The following CPED1 variants were observed in gnomAD, a reference collection of about 807,000 sequenced individuals.
CPED1 encodes the protein cadherin-like and PC-esterase domain-containing protein 1.
CPED1 carries 114 observed loss-of-function variants against 128.2 expected under a neutral mutation model. The observed-to-expected ratio is 0.89, with a 90% confidence interval of 0.76 to 1.04. The LOEUF is 1.04. Among genes scored for constraint, CPED1 ranks in the 50% least tolerant of loss-of-function variants. The pLI, the probability that CPED1 is intolerant of heterozygous loss-of-function variation, is 0.00. For missense variants in CPED1, 1,211 were observed against 1,207.1 expected (o/e 1.00, Z -0.05); for synonymous variants, 462 against 426.7 (o/e 1.08, Z -1.02).
intron 7 of CPED1, among the ~76,000 whole-genome samples, chr7:121,105,027 C>G (rs894989742): frequency 6.6e-6 from 1 of 151,960 alleles, no homozygotes; most frequent in Admixed American, 6.6e-5. Context: ...TTTGTAAGTT[C>G]TAAATCACCA....
chr7:121,233,368 A>G (rs553267950), intron 16 of CPED1, among the ~76,000 whole-genome samples: 2 of 152,026 alleles, frequency 1.3e-5, no homozygotes, highest in Non-Finnish European at 2.9e-5. Flanking sequence ...CTGTGGCTCC[A>G]AGAGATGACA....
At chr7:121,034,452 TG>T (rs1457938511) in intron 3 of CPED1, among the ~76,000 whole-genome samples, 1 of 152,028 alleles carries the variant, frequency 6.6e-6, no homozygotes, top group African/African-American at 2.4e-5. Flanking sequence ...CTCACCATGT[TG>T]GCCAGGCTGT....
chr7:121,284,962 T>G (rs1158652165), intron 22 of CPED1, among the ~76,000 whole-genome samples: 2 of 152,206 alleles, frequency 1.3e-5, no homozygotes, highest in Non-Finnish European at 2.9e-5. Context: ...ACCCCACATT[T>G]CCCTTCTGCA....
At chr7:121,199,691 A>G (rs1320839216) in intron 16 of CPED1, among the ~76,000 whole-genome samples, 1 of 140,330 alleles carries the variant, frequency 7.1e-6, no homozygotes, top group Non-Finnish European at 1.5e-5. Flanking sequence ...AAAAAAAAAA[A>G]AAAAAAAAAG....
In CPED1 at chr7:121,044,120, A is replaced by G. The variant is rs186730115; in HGVS notation, c.434-2767A>G. 2.6e-3 allele frequency among the ~76,000 whole-genome samples: 392 copies of G among 152,284 alleles called. 4 individuals are homozygous for G. Among genetic ancestry groups the G allele is most frequent in the Admixed American group, 3.9e-3 (59 of 15,284 alleles). On this transcript the variant is annotated intron_variant, in intron 3 of 22. Coordinates refer to ENST00000310396, the MANE Select transcript of CPED1 (RefSeq NM_024913.5). ...ATCTCTGCCCAGTTTCTACATTTCA[A>G]TGTGGCTTTAGGGTTTCTTTAACTA...
chr7:121,226,739 A>G lies in CPED1; in HGVS notation c.2056-9975A>G, dbSNP rs142335919. 5.3e-3 allele frequency among the ~76,000 whole-genome samples: 802 copies of G among 152,224 alleles called. 6 individuals carry two copies. Among genetic ancestry groups the G allele is most frequent in the African/African-American group, 0.018 (738 of 41,560 alleles). ...ATTGCTCTCTTCTTGAAAAACATTCAATTTTGGGATAAATGTGATATCTCA... is the reference window on the plus strand; with the variant it reads ...ATTGCTCTCTTCTTGAAAAACATTCGATTTTGGGATAAATGTGATATCTCA... On this transcript the variant is annotated intron_variant, in intron 16 of 22. Coordinates refer to ENST00000310396, the MANE Select transcript of CPED1 (RefSeq NM_024913.5).
At chr7:121,250,043 T>A (rs936704274) in intron 18 of CPED1, among the ~76,000 whole-genome samples, 1 of 152,194 alleles carries the variant, frequency 6.6e-6, no homozygotes, top group Non-Finnish European at 1.5e-5. Flanking sequence ...ACACCATACC[T>A]ATTCCAAAAT....
chr7:121,272,151 A>G (rs1013628466), intron 22 of CPED1, among the ~76,000 whole-genome samples: 2 of 152,106 alleles, frequency 1.3e-5, no homozygotes, highest in Non-Finnish European at 2.9e-5. Context: ...TCATAACTAC[A>G]TAAGTCATTT....
At chr7:121,090,810 A>G (rs932784553) in intron 5 of CPED1, among the ~76,000 whole-genome samples, 9 of 151,982 alleles carry the variant, frequency 5.9e-5, no homozygotes, top group Non-Finnish European at 1.0e-4. Flanking sequence ...TTAACCGGGC[A>G]TGGTGGCGGT....
At chr7:121,274,831 G>T (rs1227931408) in intron 22 of CPED1, among the ~76,000 whole-genome samples, 1 of 152,040 alleles carries the variant, frequency 6.6e-6, no homozygotes, top group Non-Finnish European at 1.5e-5. Flanking sequence ...ACTCTTTATA[G>T]AGGACATTTG....
chr7:121,140,769 T>C, intron 14 of CPED1, 58 bp from the exon 15 acceptor site: 1 of 1,208,744 alleles, frequency 8.3e-7, no homozygotes. Context: ...CATATATTAT[T>C]TAAAGATATT....
chr7:121,084,227 A>G (rs924930858), intron 5 of CPED1, among the ~76,000 whole-genome samples: 4 of 152,300 alleles, frequency 2.6e-5, no homozygotes, highest in Admixed American at 2.6e-4. Flanking sequence ...TCTTTTGAAA[A>G]TAGATATATA....
intron 18 of CPED1, among the ~76,000 whole-genome samples, chr7:121,250,207 G>A (rs2116704827): frequency 1.3e-5 from 2 of 152,210 alleles, no homozygotes; most frequent in South Asian, 4.2e-4. Context: ...TGAACAACCT[G>A]CTCCTGAATA....
intron 18 of CPED1, among the ~76,000 whole-genome samples, chr7:121,257,273 C>T (rs1007717896): frequency 6.6e-6 from 1 of 152,042 alleles, no homozygotes; most frequent in African/African-American, 2.4e-5. Context: ...GCACAAGACC[C>T]TTCAAAGCAT....
intron 18 of CPED1, among the ~76,000 whole-genome samples, chr7:121,260,618 A>G (rs1791994040): frequency 1.3e-5 from 2 of 149,646 alleles, no homozygotes; most frequent in African/African-American, 4.9e-5. Context: ...GATGTAACAA[A>G]TAAGACTCCT....
At chr7:121,098,767 A>T (rs7458262) in intron 6 of CPED1, among the ~76,000 whole-genome samples, 2 of 121,154 alleles carry the variant, frequency 1.7e-5, no homozygotes, top group South Asian at 2.6e-4. Context: ...AATATATATA[A>T]ATATATATAT....
intron 2 of CPED1, among the ~76,000 whole-genome samples, chr7:121,010,648 G>A (rs1422225903): frequency 6.6e-6 from 1 of 152,174 alleles, no homozygotes; most frequent in African/African-American, 2.4e-5. Context: ...AGATGTTGAA[G>A]GTTGGGATAG....
At chr7:120,999,343 A>T (rs73431835) in intron 2 of CPED1, among the ~76,000 whole-genome samples, 2,176 of 152,268 alleles carry the variant, frequency 0.014, 22 homozygotes, top group African/African-American at 0.03. Flanking sequence ...TCTCGTTATC[A>T]TCAGCTCCTT....
intron 4 of CPED1, chr7:121,050,889 G>T (rs551399137): frequency 2.1e-6 from 1 of 479,578 alleles, no homozygotes; most frequent in South Asian, 1.5e-5. Flanking sequence ...CACCTGGCAC[G>T]CACCCTCCTC....
Sources: gnomAD v4.1 joint callset for allele counts (sites outside exome capture counted in the v4.1 genomes callset) on GRCh38, gnomAD v4.1.1 for gene constraint, MANE v1.5 for transcripts, NCBI Gene and HGNC (gene_info 2026-07-23, HGNC 2026-07-21) for gene names.